The following IQCE variants were observed in gnomAD, a reference collection of about 807,000 sequenced individuals.
IQCE encodes the protein IQ domain-containing protein E.
A neutral mutation model predicts 96.0 loss-of-function variants in IQCE; 115 were observed. The observed-to-expected ratio is 1.20, with a 90% CI of 1.03 to 1.40. The LOEUF (loss-of-function observed/expected upper bound fraction) is 1.40, where lower values mean the gene tolerates loss of function less well. Ranked by LOEUF, IQCE falls within the 40% of genes most tolerant of loss-of-function variation. The pLI, the probability that IQCE is intolerant of heterozygous loss-of-function variation, is 0.00. For missense variants in IQCE, 1,041 were observed against 909.1 expected, an observed-to-expected ratio of 1.15 and a Z score of -1.87; for synonymous variants, 412 against 371.2, an observed-to-expected ratio of 1.11 and a Z score of -1.26.
rs539165943 is a variant in IQCE, at chr7:2,583,502, G to A, written c.702-135G>A. The A allele has an allele frequency of 1.2e-4, 51 of 424,270 alleles. No homozygotes were observed. In the Admixed American group the frequency reaches 1.3e-3, roughly 11 times the overall value. 26.3% of individuals were successfully genotyped at this position (424,270 alleles called of 1,614,324 possible). A position where few individuals can be genotyped will look rare whatever the true frequency, so the allele number is the denominator to read the frequency against. On this transcript the variant is annotated intron_variant, in intron 9 of 21. Coordinates refer to ENST00000402050, the MANE Select transcript of IQCE (RefSeq NM_152558.5). ...CAAGGAACAAGTCAAATGAAGGCCC[G>A]TTCAGGCTTTTCCCTCCCATCCTGG...
At chr7:2,579,772 C>T (rs1254072414) in intron 8 of IQCE, among the ~76,000 whole-genome samples, 2 of 150,712 alleles carry the variant, frequency 1.3e-5, no homozygotes, top group Non-Finnish European at 3.0e-5. Flanking sequence ...GAGACAGGGA[C>T]TCACTCTGTT....
intron 8 of IQCE, among the ~76,000 whole-genome samples, chr7:2,581,744 C>T (rs1247010593): frequency 1.3e-5 from 2 of 148,582 alleles, no homozygotes; most frequent in Non-Finnish European, 3.0e-5. Flanking sequence ...GAGTCTCGCT[C>T]TGTCACCCAC....
chr7:2,585,765 ATTGAT>A (rs1358092801), intron 11 of IQCE, among the ~76,000 whole-genome samples: 1 of 152,200 alleles, frequency 6.6e-6, no homozygotes, highest in African/African-American at 2.4e-5. Context: ...CTGCATGAGT[ATTGAT>A]TTTCGGCTGA....
chr7:2,582,712 C>A lies in IQCE; in HGVS notation c.701+62C>A. 9 of 1,479,844 alleles carry A rather than the reference C, an allele frequency of 6.1e-6. No homozygotes were observed. In the South Asian group the frequency reaches 9.4e-5, roughly 15 times the overall value. The allele number at this position is 1,479,844 out of a possible 1,614,324, so 91.7% of individuals were successfully genotyped here. ...CCCCGTGTTCTGCTTGCTCAGACGC[C>A]CGCCTTTGTTCCTCCCCCACCCCGT... On this transcript the variant is annotated intron_variant, in intron 9 of 21. Transcript: ENST00000402050.
chr7:2,588,447 G>A (rs1461207526), intron 13 of IQCE, among the ~76,000 whole-genome samples: 1 of 149,336 alleles, frequency 6.7e-6, no homozygotes, highest in South Asian at 2.1e-4. Flanking sequence ...TCCGCCTCCC[G>A]AGTTCAAGTG....
chr7:2,572,020 G>T (rs6953966), intron 4 of IQCE, among the ~76,000 whole-genome samples, 172 bp from the exon 5 acceptor site: 21,369 of 152,194 alleles, frequency 0.14, 1,712 homozygotes, highest in Non-Finnish European at 0.16. Flanking sequence ...AATCAGGACT[G>T]TATTAATTGA....
intron 19 of IQCE, 37 bp downstream of exon 19, chr7:2,605,028 G>A: frequency 7.0e-7 from 1 of 1,425,116 alleles, no homozygotes; most frequent in Non-Finnish European, 9.9e-7. Context: ...GTGGCCATCT[G>A]CAGAGCTGCT....
chr7:2,608,301 G>T (rs1273490229), intron 21 of IQCE, among the ~76,000 whole-genome samples: 2 of 152,234 alleles, frequency 1.3e-5, no homozygotes, highest in Non-Finnish European at 2.9e-5. Context: ...GCCGTTTTGA[G>T]GCCCGCATCA....
At chr7:2,583,393 C>G (rs1014303754) in intron 9 of IQCE, among the ~76,000 whole-genome samples, 1 of 152,108 alleles carries the variant, frequency 6.6e-6, no homozygotes, top group African/African-American at 2.4e-5. Context: ...GCTGTTTACT[C>G]ACTTTGGAAA....
intron 6 of IQCE, 142 bp downstream of exon 6, chr7:2,573,630 G>C (rs983299144): frequency 3.6e-6 from 2 of 548,606 alleles, no homozygotes; most frequent in South Asian, 2.4e-5. Context: ...TTGAGCCGTG[G>C]CGTAGTGCCC....
At position 2,594,977 on chromosome 7, in the gene IQCE, G is replaced by T; in HGVS notation, c.1440+1G>T. 6.2e-6 allele frequency: 10 copies of T among 1,602,274 alleles called. No homozygotes were observed. Among genetic ancestry groups the T allele is most frequent in the Non-Finnish European group, 8.6e-6 (10 of 1,169,300 alleles). On this transcript the variant is annotated splice_donor_variant, in intron 16 of 21. Coordinates refer to ENST00000402050, the MANE Select transcript of IQCE (RefSeq NM_152558.5). LOFTEE classifies it high-confidence loss of function. ...GGATTGCCCGGAAGTTCCTCATAAG[G>T]TACAGTGACCATTCAGTTGAGTCTC...
intron 8 of IQCE, among the ~76,000 whole-genome samples, chr7:2,581,004 C>A (rs943658106): frequency 6.6e-6 from 1 of 151,912 alleles, no homozygotes; most frequent in South Asian, 2.1e-4. Flanking sequence ...CCACCATGCC[C>A]GGCTAATTTT....
chr7:2,597,690 C>A (rs925106630), intron 16 of IQCE, among the ~76,000 whole-genome samples: 4 of 152,226 alleles, frequency 2.6e-5, no homozygotes, highest in African/African-American at 9.6e-5. Context: ...TTTTTAGAGA[C>A]AGGGTCTCAC....
At chr7:2,587,468 A>G (rs561232465) in intron 12 of IQCE, among the ~76,000 whole-genome samples, 2 of 152,232 alleles carry the variant, frequency 1.3e-5, no homozygotes, top group East Asian at 3.9e-4. Flanking sequence ...GGGGCTGTGC[A>G]TGCCAGGAAG....
In IQCE at chr7:2,604,828, G is replaced by A. The variant is rs540087894; in HGVS notation, c.1633-53G>A. 1.4e-5 allele frequency: 19 copies of A among 1,373,472 alleles called. 1 individual carries two copies. Among genetic ancestry groups the A allele is most frequent in the Admixed American group, 3.5e-5 (2 of 57,414 alleles). The allele number at this position is 1,373,472 out of a possible 1,614,324, so 85.1% of individuals were successfully genotyped here. A position where few individuals can be genotyped will look rare whatever the true frequency, so the allele number is the denominator to read the frequency against. ...CCTCGGCGCCTCCCTCTCGCCCGCC[G>A]TTGCCCCGGGCACTCACACCCACTT... On this transcript the variant is annotated intron_variant, in intron 18 of 21. Transcript: ENST00000402050.
intron 12 of IQCE, 50 bp from the exon 13 acceptor site, chr7:2,587,772 C>T: frequency 3.2e-6 from 5 of 1,574,034 alleles, no homozygotes; most frequent in Non-Finnish European, 4.4e-6. Flanking sequence ...GGTGGCCCTG[C>T]TGGCAGTGCC....
intron 1 of IQCE, chr7:2,566,670 A>G (rs1363301459): frequency 5.6e-6 from 1 of 177,500 alleles, no homozygotes; most frequent in East Asian, 1.6e-4. Flanking sequence ...ACAGTGTCTC[A>G]CCATGTTGCC....
Position 2,596,331 on chromosome 7 carries a change from G to A in IQCE, c.1440+1355G>A, listed in dbSNP as rs190055068. Among the ~76,000 whole-genome samples, 7 of 150,872 alleles carry A rather than the reference G, an allele frequency of 4.6e-5. No homozygotes were observed. In the East Asian group the frequency reaches 1.4e-3, roughly 29 times the overall value. ...AAAATAGAGGAGAGAGAGAGAGAGA[G>A]AGAGAAAACAAAAGTGTCTGAAAAC... is the stretch of plus-strand genomic sequence containing the variant. On this transcript the variant is annotated intron_variant, in intron 16 of 21. Coordinates refer to ENST00000402050, the MANE Select transcript of IQCE (RefSeq NM_152558.5).
Position 2,594,900 on chromosome 7 carries a change from CACTT to C in IQCE, c.1367_1370del (p.Leu456ProfsTer10). ...TTCCGCCTTAGAGAGGAGATTCAGA[CACTT>C]ACCAGCAAGCTCCAAGAATTGCAAG... is the stretch of plus-strand genomic sequence containing the variant. On this transcript the variant is annotated frameshift_variant, in exon 16 of 22. Coordinates refer to ENST00000402050, the MANE Select transcript of IQCE (RefSeq NM_152558.5). LOFTEE classifies it high-confidence loss of function. 3 of 1,612,948 alleles carry C rather than the reference CACTT, an allele frequency of 1.9e-6. No homozygotes were observed. The highest frequency in any genetic ancestry group is 2.5e-6 in the Non-Finnish European group (3 of 1,178,930).
Sources: allele counts gnomAD v4.1 joint callset (sites outside exome capture counted in the v4.1 genomes callset), GRCh38; gene constraint gnomAD v4.1.1; transcripts MANE v1.5; gene names NCBI Gene and HGNC (gene_info 2026-07-23, HGNC 2026-07-21).